MIGA1: variants seen among roughly 807,000 people sequenced by gnomAD.
MIGA1 encodes mitoguardin 1, also known as family with sequence similarity 73, member A.
In MIGA1, 58 loss-of-function variants were observed where a neutral mutation model predicts 82.0. The observed-to-expected ratio is 0.71, with a 90% confidence interval of 0.57 to 0.88. The LOEUF (loss-of-function observed/expected upper bound fraction) is 0.88, where lower values mean the gene tolerates loss of function less well. MIGA1 is among the 40% of genes least tolerant of loss of function. MIGA1 has a pLI of 0.00. For synonymous variants in MIGA1, 249 were observed against 253.6 expected, an observed-to-expected ratio of 0.98 and a Z score of 0.17; for missense variants, 751 against 749.1, an observed-to-expected ratio of 1.00 and a Z score of -0.03.
intron 7 of MIGA1, among the ~76,000 whole-genome samples, chr1:77,819,250 C>A (rs971464582): frequency 2.3e-4 from 35 of 152,122 alleles, no homozygotes; most frequent in African/African-American, 7.5e-4. Flanking sequence ...GGGTTTGGAC[C>A]CAGTCAAGCT....
rs939093742 is a variant in MIGA1, at chr1:77,871,862, G to T, written c.1564-1142G>T. Among the ~76,000 whole-genome samples, 3 of 151,952 alleles carry T rather than the reference G, an allele frequency of 2.0e-5. No individual in the cohort carries two copies. In the South Asian group the frequency reaches 6.2e-4, roughly 31 times the overall value. ...TTAATATAATTAAGTGATTGAGTTG[G>T]GCTTTTAAATAGCTAAAACTTTGAT... On this transcript the variant is annotated intron_variant, in intron 14 of 15. Transcript: ENST00000370791.
chr1:77,866,294 TA>T, intron 13 of MIGA1, 43 bp from the exon 14 acceptor site: 1 of 1,562,936 alleles, frequency 6.4e-7, no homozygotes, highest in Non-Finnish European at 8.8e-7. Flanking sequence ...TGGAAATGTT[TA>T]TATAGCTATA....
intron 2 of MIGA1, among the ~76,000 whole-genome samples, chr1:77,790,107 A>G (rs1172438890): frequency 6.6e-6 from 1 of 152,210 alleles, no homozygotes; most frequent in Non-Finnish European, 1.5e-5. Flanking sequence ...ATTTTATATG[A>G]CTATAGTACA....
intron 9 of MIGA1, 58 bp downstream of exon 9, chr1:77,859,114 T>TACTAA: frequency 8.8e-7 from 1 of 1,134,904 alleles, no homozygotes; most frequent in East Asian, 2.4e-5. Context: ...GTGTGGTACT[T>TACTAA]ACTAAAAATG....
rs1646911454 is a variant in MIGA1, at chr1:77,878,456, G to A, written c.*3392G>A. On this transcript the variant is annotated 3_prime_UTR_variant, in exon 16 of 16. Coordinates refer to ENST00000370791, the MANE Select transcript of MIGA1 (RefSeq NM_198549.4). ...AACGGTTTCCATTTGCCTTAAAATTGGGTTAAATAGCAAAAGCAATGTCTT... is the reference window on the plus strand; with the variant it reads ...AACGGTTTCCATTTGCCTTAAAATTAGGTTAAATAGCAAAAGCAATGTCTT... 6.7e-6 allele frequency: 1 copy of A among 148,758 alleles called. No homozygotes were observed. Among genetic ancestry groups the A allele is most frequent in the African/African-American group, 2.6e-5 (1 of 39,198 alleles). 9.2% of individuals were successfully genotyped at this position (148,758 alleles called of 1,614,324 possible).
intron 14 of MIGA1, 79 bp downstream of exon 14, chr1:77,866,470 G>T: frequency 7.4e-7 from 1 of 1,345,240 alleles, no homozygotes. Flanking sequence ...TCACTTCTCC[G>T]GTGGGAATTG....
At position 77,813,781 on chromosome 1, in the gene MIGA1, A is replaced by C; in HGVS notation, c.685A>C (p.Thr229Pro). 6.2e-7 allele frequency: 1 copy of C among 1,614,220 alleles called. No individual in the cohort carries two copies. Among genetic ancestry groups the C allele is most frequent in the Non-Finnish European group, 8.5e-7 (1 of 1,180,040 alleles). The stretch of plus-strand genomic sequence containing the variant: ...ATTGCGTCGATGGGAACAAGCTCTG[A>C]CCTTTCGCAATAGACAGGCTGAAGA... The change falls in exon 6 of 16, where the codon ACC (threonine) becomes CCC (proline). Residue 229 changes from threonine (T) to proline (P), a missense_variant. Coordinates refer to ENST00000370791, the MANE Select transcript of MIGA1 (RefSeq NM_198549.4).
At chr1:77,819,022 G>A (rs1683694968) in intron 7 of MIGA1, among the ~76,000 whole-genome samples, 1 of 150,880 alleles carries the variant, frequency 6.6e-6, no homozygotes, top group African/African-American at 2.4e-5. Context: ...GGAGGTTGCG[G>A]TGAGCTGAGA....
intron 2 of MIGA1, among the ~76,000 whole-genome samples, chr1:77,792,102 T>C (rs1682450949): frequency 6.6e-6 from 1 of 152,162 alleles, no homozygotes; most frequent in South Asian, 2.1e-4. Context: ...TTTATTGAAA[T>C]GCTAGCAGTT....
intron 6 of MIGA1, among the ~76,000 whole-genome samples, chr1:77,814,783 G>A (rs1228287340): frequency 6.6e-6 from 1 of 152,162 alleles, no homozygotes; most frequent in Non-Finnish European, 1.5e-5. Context: ...GACTGGGGTG[G>A]ATCCTAAGAA....
At position 77,813,062 on chromosome 1, in the gene MIGA1, C is replaced by A. The variant is rs370891140; in HGVS notation, c.638-672C>A. Among the ~76,000 whole-genome samples, 56 of 152,236 alleles carry A rather than the reference C, an allele frequency of 3.7e-4. No individual in the cohort carries two copies. The East Asian group carries it at 0.01, about 27-fold the overall frequency. On this transcript the variant is annotated intron_variant, in intron 5 of 15. Transcript: ENST00000370791. Reference sequence around the variant, plus strand: ...GTGGTGCAATCTCGGCTCACTGCAACCTCTGCCTCCCAGGTTCAAGCCGAT... The same window carrying A: ...GTGGTGCAATCTCGGCTCACTGCAAACTCTGCCTCCCAGGTTCAAGCCGAT...
chr1:77,848,366 GAA>G (rs1329375208), intron 8 of MIGA1: 1 of 1,081,186 alleles, frequency 9.2e-7, no homozygotes, highest in Non-Finnish European at 1.4e-6. Context: ...AGAAGGAAGA[GAA>G]AAGCAAAGCA....
At chr1:77,792,764 A>G (rs901989314) in intron 2 of MIGA1, among the ~76,000 whole-genome samples, 5 of 125,838 alleles carry the variant, frequency 4.0e-5, no homozygotes, top group Non-Finnish European at 8.6e-5. Context: ...TCCTTTGCCC[A>G]TTTTCTAAAT....
At chr1:77,863,725 C>T (rs1327094815) in intron 12 of MIGA1, among the ~76,000 whole-genome samples, 169 bp from the exon 13 acceptor site, 3 of 152,044 alleles carry the variant, frequency 2.0e-5, no homozygotes, top group African/African-American at 7.2e-5. Context: ...AATGTGAATT[C>T]GTAATTTCTA....
chr1:77,856,799 A>G (rs1057220511), intron 8 of MIGA1, among the ~76,000 whole-genome samples: 5 of 151,780 alleles, frequency 3.3e-5, no homozygotes, highest in African/African-American at 1.2e-4. Flanking sequence ...AAGGTCTATC[A>G]ATTTTATTTA....
intron 4 of MIGA1, among the ~76,000 whole-genome samples, chr1:77,804,917 A>G (rs1458963542): frequency 6.6e-6 from 1 of 151,774 alleles, no homozygotes; most frequent in Admixed American, 6.6e-5. Flanking sequence ...ATGAGCCACC[A>G]TGCCTGGCCT....
rs1684874785 is a variant in MIGA1 at position 77,847,175 on chromosome 1, T to G, written c.996+3768T>G. 3 of 1,294,694 alleles carry G rather than the reference T, an allele frequency of 2.3e-6. No individual in the cohort carries two copies. The African/African-American group carries it at 4.4e-5, about 19-fold the overall frequency. The allele number at this position is 1,294,694 out of a possible 1,614,324, so 80.2% of individuals were successfully genotyped here. On this transcript the variant is annotated intron_variant, in intron 8 of 15. Transcript: ENST00000370791. ...AAAACACAGCAGTTGCATCCTGTTT[T>G]GCAAAAACCGTCAGTGTTTGGGAAT... is the stretch of plus-strand genomic sequence containing the variant.
intron 7 of MIGA1, among the ~76,000 whole-genome samples, chr1:77,821,211 A>G (rs1683794874): frequency 6.6e-6 from 1 of 151,580 alleles, no homozygotes; most frequent in Non-Finnish European, 1.5e-5. Context: ...TGGTGAACTT[A>G]TGGTTAACTA....
intron 14 of MIGA1, among the ~76,000 whole-genome samples, chr1:77,870,463 T>C (rs1470659836): frequency 9.4e-5 from 8 of 85,036 alleles, no homozygotes; most frequent in East Asian, 4.0e-4. Context: ...GGGGCAGAGG[T>C]GCTCCCCACA....
Sources: gnomAD v4.1 joint callset for allele counts (sites outside exome capture counted in the v4.1 genomes callset) on GRCh38, gnomAD v4.1.1 for gene constraint, MANE v1.5 for transcripts, NCBI Gene and HGNC (gene_info 2026-07-23, HGNC 2026-07-21) for gene names.